The following TTC28 variants were observed in gnomAD, a reference collection of about 807,000 sequenced individuals.
TTC28 encodes tetratricopeptide repeat protein 28.
A neutral mutation model predicts 198.0 loss-of-function variants in TTC28; 61 were observed. The observed-to-expected ratio is 0.31, with a 90% confidence interval of 0.25 to 0.38. The LOEUF is 0.38. Among genes scored for constraint, TTC28 ranks in the 10% least tolerant of loss-of-function variants. TTC28 has a pLI of 1.00. For synonymous variants in TTC28, 1,171 were observed against 1,297.8 expected, an observed-to-expected ratio of 0.90 and a Z score of 2.10; for missense variants, 2,678 against 3,164.0, an observed-to-expected ratio of 0.85 and a Z score of 3.69.
intron 12 of TTC28, among the ~76,000 whole-genome samples, chr22:28,063,890 G>A (rs185872984): frequency 1.3e-5 from 2 of 152,264 alleles, no homozygotes; most frequent in Admixed American, 6.5e-5. Flanking sequence ...GGGCGGCCGA[G>A]CAACAGCTGA....
At chr22:28,324,945 G>A (rs983843631) in intron 2 of TTC28, among the ~76,000 whole-genome samples, 5 of 152,088 alleles carry the variant, frequency 3.3e-5, no homozygotes, top group African/African-American at 9.7e-5. Flanking sequence ...CTCTTTTTTT[G>A]TTGTGTCTCT....
At chr22:28,296,032 G>C (rs1407992632) in intron 5 of TTC28, among the ~76,000 whole-genome samples, 166 bp downstream of exon 5, 1 of 152,006 alleles carries the variant, frequency 6.6e-6, no homozygotes, top group Non-Finnish European at 1.5e-5. Context: ...TGGATATATA[G>C]AACACTCAAT....
intron 1 of TTC28, among the ~76,000 whole-genome samples, chr22:28,663,353 GA>G (rs1186108419): frequency 1.3e-5 from 2 of 151,218 alleles, no homozygotes; most frequent in Admixed American, 6.6e-5. Context: ...CGACACAGAA[GA>G]CGGGTGATTT....
intron 13 of TTC28, among the ~76,000 whole-genome samples, chr22:28,026,075 C>T (rs1329512683): frequency 6.6e-6 from 1 of 152,236 alleles, no homozygotes; most frequent in Non-Finnish European, 1.5e-5. Context: ...CATTCCCTCC[C>T]ACCTCCACTG....
chr22:28,402,126 AT>A (rs2046921307), intron 2 of TTC28, among the ~76,000 whole-genome samples: 2 of 152,194 alleles, frequency 1.3e-5, no homozygotes, highest in Non-Finnish European at 2.9e-5. Flanking sequence ...CTTCTCTTTA[AT>A]CCCAGAAATG....
At chr22:28,386,876 G>A (rs982006613) in intron 2 of TTC28, among the ~76,000 whole-genome samples, 9 of 151,546 alleles carry the variant, frequency 5.9e-5, no homozygotes, top group African/African-American at 2.2e-4. Context: ...AAGTTTTAGG[G>A]TACATGTGCA....
At chr22:28,288,798 G>A (rs1044081304) in intron 5 of TTC28, among the ~76,000 whole-genome samples, 7 of 146,106 alleles carry the variant, frequency 4.8e-5, no homozygotes, top group African/African-American at 1.7e-4. Flanking sequence ...GGGCGACAGA[G>A]CGAGACTCCG....
chr22:28,110,595 C>T (rs1238218631), intron 6 of TTC28, among the ~76,000 whole-genome samples: 1 of 151,974 alleles, frequency 6.6e-6, no homozygotes, highest in Non-Finnish European at 1.5e-5. Context: ...AAAATAAGTA[C>T]ATAAATCATG....
At chr22:28,291,973 T>C (rs915371482) in intron 5 of TTC28, among the ~76,000 whole-genome samples, 4 of 152,002 alleles carry the variant, frequency 2.6e-5, no homozygotes, top group Non-Finnish European at 5.9e-5. Flanking sequence ...ACAATTATAA[T>C]TACATATATG....
intron 12 of TTC28, among the ~76,000 whole-genome samples, chr22:28,084,723 A>C (rs1292078536): frequency 1.3e-5 from 2 of 151,710 alleles, no homozygotes; most frequent in African/African-American, 2.4e-5. Flanking sequence ...GAGCTAAAGA[A>C]GGAAGTTCGA....
intron 2 of TTC28, among the ~76,000 whole-genome samples, chr22:28,623,203 C>T (rs1474735092): frequency 6.6e-6 from 1 of 152,142 alleles, no homozygotes; most frequent in Non-Finnish European, 1.5e-5. Flanking sequence ...CCTCCTGCCT[C>T]AGCCTTCCAA....
intron 2 of TTC28, among the ~76,000 whole-genome samples, chr22:28,322,932 C>T (rs1210543238): frequency 1.3e-5 from 2 of 152,180 alleles, no homozygotes; most frequent in East Asian, 1.9e-4. Context: ...TCACTTCAAA[C>T]TTATGCTTCA....
chr22:28,394,346 A>G (rs1276343571), intron 2 of TTC28, among the ~76,000 whole-genome samples: 11 of 152,234 alleles, frequency 7.2e-5, no homozygotes, highest in Admixed American at 7.2e-4. Flanking sequence ...TATAACACTT[A>G]AAAGTTTAAT....
At chr22:28,462,414 A>G (rs1439146368) in intron 2 of TTC28, among the ~76,000 whole-genome samples, 1 of 152,198 alleles carries the variant, frequency 6.6e-6, no homozygotes, top group Non-Finnish European at 1.5e-5. Context: ...AAGTTGTGGA[A>G]CAGGCCTACA....
At chr22:28,034,746 C>A (rs529729345) in intron 12 of TTC28, among the ~76,000 whole-genome samples, 3 of 152,146 alleles carry the variant, frequency 2.0e-5, no homozygotes, top group African/African-American at 7.2e-5. Context: ...TACCTCCTGG[C>A]GAGGGCTGAG....
intron 6 of TTC28, among the ~76,000 whole-genome samples, chr22:28,135,568 T>C (rs1232502353): frequency 1.3e-5 from 2 of 152,148 alleles, no homozygotes; most frequent in African/African-American, 4.8e-5. Flanking sequence ...GTCAACTGAC[T>C]TGACATTTAG....
chr22:28,331,960 A>G (rs1190153178), intron 2 of TTC28, among the ~76,000 whole-genome samples: 1 of 152,110 alleles, frequency 6.6e-6, no homozygotes, highest in East Asian at 1.9e-4. Flanking sequence ...TGGTTGCATC[A>G]ACTTTCTGAA....
At chr22:28,202,705 G>A (rs1433257780) in intron 5 of TTC28, among the ~76,000 whole-genome samples, 1 of 152,126 alleles carries the variant, frequency 6.6e-6, no homozygotes, top group African/African-American at 2.4e-5. Context: ...TGCACGCACT[G>A]TCTAGCTCTT....
At chr22:28,380,809 C>T (rs1476802497) in intron 2 of TTC28, among the ~76,000 whole-genome samples, 3 of 152,072 alleles carry the variant, frequency 2.0e-5, no homozygotes, top group African/African-American at 7.2e-5. Flanking sequence ...CTACAACAAA[C>T]CTAAGCAGGA....
Sources: gnomAD v4.1 joint callset for allele counts (sites outside exome capture counted in the v4.1 genomes callset) on GRCh38, gnomAD v4.1.1 for gene constraint, MANE v1.5 for transcripts, NCBI Gene and HGNC (gene_info 2026-07-23, HGNC 2026-07-21) for gene names.